Variants in SLC25A48 observed in about 807,000 individuals in gnomAD.
SLC25A48 encodes the protein solute carrier family 25 member 48.
In SLC25A48, 29 loss-of-function variants were observed where a neutral mutation model predicts 32.2. The ratio of observed to expected loss-of-function variants is 0.90; its 90% CI spans 0.67 to 1.23. The LOEUF (loss-of-function observed/expected upper bound fraction) is 1.23. SLC25A48 is among the 50% of genes most tolerant of loss of function. The pLI, the probability that SLC25A48 is intolerant of heterozygous loss-of-function variation, is 0.00. For synonymous variants in SLC25A48, 164 were observed against 172.3 expected (o/e 0.95, Z 0.38); for missense variants, 399 against 422.7 (o/e 0.94, Z 0.49).
intron 3 of SLC25A48, among the ~76,000 whole-genome samples, chr5:135,768,605 C>T (rs753175742): frequency 5.4e-4 from 82 of 151,498 alleles, no homozygotes; most frequent in Non-Finnish European, 1.0e-3. Flanking sequence ...GATGATGATA[C>T]TCCCAATGTC....
intron 3 of SLC25A48, among the ~76,000 whole-genome samples, chr5:135,690,665 G>T (rs1320225854): frequency 1.3e-5 from 2 of 152,084 alleles, no homozygotes; most frequent in Non-Finnish European, 2.9e-5. Flanking sequence ...CAGGCCACCC[G>T]CCCCTCCCCA....
chr5:135,753,353 G>A (rs1755815710), intron 3 of SLC25A48, among the ~76,000 whole-genome samples: 1 of 151,988 alleles, frequency 6.6e-6, no homozygotes, highest in South Asian at 2.1e-4. Flanking sequence ...GATAGTAGCA[G>A]TAATATCTCG....
chr5:135,887,452 ATGTG>A (rs372688192), intron 7 of SLC25A48, among the ~76,000 whole-genome samples: 20 of 149,640 alleles, frequency 1.3e-4, no homozygotes, highest in Non-Finnish European at 2.2e-4. Flanking sequence ...AAAAATACAT[ATGTG>A]TGTGTGTGTG....
chr5:135,810,558 G>A (rs1757568397), intron 3 of SLC25A48, among the ~76,000 whole-genome samples: 1 of 152,210 alleles, frequency 6.6e-6, no homozygotes, highest in African/African-American at 2.4e-5. Context: ...CTGTTGTCAA[G>A]TATCTATTAC....
At chr5:135,887,668 G>A (rs1347688377) in intron 7 of SLC25A48, among the ~76,000 whole-genome samples, 1 of 152,032 alleles carries the variant, frequency 6.6e-6, no homozygotes, top group East Asian at 1.9e-4. Context: ...TGTTTCCTGG[G>A]TCTCACCATC....
intron 3 of SLC25A48, among the ~76,000 whole-genome samples, chr5:135,777,790 G>T (rs929621040): frequency 4.0e-5 from 6 of 151,348 alleles, no homozygotes; most frequent in East Asian, 3.9e-4. Context: ...TATCCGGGGG[G>T]GGGGGGAATG....
At chr5:135,730,942 A>T (rs1755206257) in intron 3 of SLC25A48, among the ~76,000 whole-genome samples, 1 of 152,176 alleles carries the variant, frequency 6.6e-6, no homozygotes, top group Admixed American at 6.5e-5. Context: ...ATAAACTGAG[A>T]TCTTCCGGCC....
chr5:135,849,726 C>A (rs575049522), intron 2 of SLC25A48, among the ~76,000 whole-genome samples: 2 of 152,246 alleles, frequency 1.3e-5, no homozygotes, highest in South Asian at 4.2e-4. Flanking sequence ...GGAGGAAGAG[C>A]CTTCCAGAAG....
At chr5:135,796,466 C>T (rs913088217) in intron 3 of SLC25A48, among the ~76,000 whole-genome samples, 7 of 151,322 alleles carry the variant, frequency 4.6e-5, no homozygotes, top group Non-Finnish European at 8.9e-5. Flanking sequence ...TCCCCATATC[C>T]CAGGGAGTGT....
At chr5:135,597,557 T>C (rs1751683088) in intron 1 of SLC25A48, among the ~76,000 whole-genome samples, 1 of 152,218 alleles carries the variant, frequency 6.6e-6, no homozygotes, top group Admixed American at 6.5e-5. Context: ...TGCTTGCCGA[T>C]AGAAACAATC....
At chr5:135,668,575 G>A (rs1341790754) in intron 3 of SLC25A48, among the ~76,000 whole-genome samples, 1 of 152,174 alleles carries the variant, frequency 6.6e-6, no homozygotes, top group African/African-American at 2.4e-5. Context: ...GTGGAACATA[G>A]ACATGTATAA....
chr5:135,808,680 A>C (rs1196885340), intron 3 of SLC25A48, among the ~76,000 whole-genome samples: 1 of 152,142 alleles, frequency 6.6e-6, no homozygotes, highest in Non-Finnish European at 1.5e-5. Context: ...GTCGGTGTCA[A>C]GTCTTCCTTA....
intron 3 of SLC25A48, among the ~76,000 whole-genome samples, chr5:135,691,798 C>G (rs1754148761): frequency 1.3e-5 from 2 of 152,128 alleles, no homozygotes; most frequent in African/African-American, 4.8e-5. Context: ...TTGTGTAAGG[C>G]TTAAGTGAGA....
At chr5:135,772,860 T>TTACTTTCAATATTGCAGGGGGTG (rs1756449429) in intron 3 of SLC25A48, among the ~76,000 whole-genome samples, 1 of 151,584 alleles carries the variant, frequency 6.6e-6, no homozygotes, top group South Asian at 2.1e-4. Context: ...GAGGATAATA[T>TTACTTTCAATATTGCAGGGGGTG]TACTTTCAAT....
At chr5:135,789,281 C>A (rs1756953614) in intron 3 of SLC25A48, among the ~76,000 whole-genome samples, 1 of 56,496 alleles carries the variant, frequency 1.8e-5, no homozygotes, top group Non-Finnish European at 5.1e-5. Flanking sequence ...TGTACACCCC[C>A]TGCCATATGT....
intron 1 of SLC25A48, among the ~76,000 whole-genome samples, chr5:135,626,773 G>A (rs1341660673): frequency 6.6e-6 from 1 of 152,184 alleles, no homozygotes; most frequent in African/African-American, 2.4e-5. Context: ...GGAATGTAGG[G>A]GGTGGGGTGT....
chr5:135,598,014 TCAAAC>T (rs71583231), intron 1 of SLC25A48, among the ~76,000 whole-genome samples: 47,099 of 150,206 alleles, frequency 0.31, 7,360 homozygotes, highest in Middle Eastern at 0.37. Flanking sequence ...AAAAAAAAAA[TCAAAC>T]CAAAAAACAA....
intron 1 of SLC25A48, chr5:135,609,509 T>C (rs7735523): frequency 0.41 from 62,119 of 152,088 alleles, 12,971 homozygotes; most frequent in African/African-American, 0.51. Context: ...ACTGTTCAGA[T>C]GAGGTGATTG....
In SLC25A48 at chr5:135,753,789, G is replaced by A. The variant is rs116134986; in HGVS notation, c.-520-58734G>A. Among the ~76,000 whole-genome samples, 519 of 151,916 alleles carry A rather than the reference G, an allele frequency of 3.4e-3. 5 individuals carry two copies. Among genetic ancestry groups the A allele is most frequent in the African/African-American group, 0.012 (485 of 41,442 alleles). On this transcript the variant is annotated intron_variant, in intron 3 of 10. Transcript: ENST00000646290. ...GTGTGTACACCCTGTAATATTAGCA[G>A]TGTGATACCGCACTGTGATATTAGC...
Sources: allele counts gnomAD v4.1 joint callset (sites outside exome capture counted in the v4.1 genomes callset), GRCh38; gene constraint gnomAD v4.1.1; transcripts MANE v1.5; gene names NCBI Gene and HGNC (gene_info 2026-07-23, HGNC 2026-07-21).